TSHZ2: variants seen among roughly 807,000 people sequenced by gnomAD.
TSHZ2 encodes teashirt homolog 2.
A neutral mutation model predicts 74.4 loss-of-function variants in TSHZ2; 21 were observed. That is an observed-to-expected ratio of 0.28 (90% CI 0.20 to 0.41). The LOEUF (loss-of-function observed/expected upper bound fraction) is 0.41. Among genes scored for constraint, TSHZ2 ranks in the 10% least tolerant of loss-of-function variants. The probability of loss-of-function intolerance (pLI) is 1.00; values close to 1 mark genes in which losing one functional copy is unlikely to be tolerated. For missense variants in TSHZ2, 1,244 were observed against 1,293.5 expected, an observed-to-expected ratio of 0.96 and a Z score of 0.59; for synonymous variants, 540 against 515.3, an observed-to-expected ratio of 1.05 and a Z score of -0.65.
At chr20:53,146,845 G>A (rs1053533652) in intron 1 of TSHZ2, among the ~76,000 whole-genome samples, 7 of 152,166 alleles carry the variant, frequency 4.6e-5, no homozygotes, top group Admixed American at 2.0e-4. Context: ...CGAGGCGGGC[G>A]TGAAGGATAG....
intron 2 of TSHZ2, among the ~76,000 whole-genome samples, chr20:53,331,396 C>T (rs768751382): frequency 3.3e-5 from 5 of 152,164 alleles, no homozygotes; most frequent in African/African-American, 4.8e-5. Flanking sequence ...GTTCTTCTTC[C>T]GGGACCTGGT....
At chr20:53,450,331 C>A (rs1185987062) in intron 2 of TSHZ2, among the ~76,000 whole-genome samples, 3 of 152,136 alleles carry the variant, frequency 2.0e-5, no homozygotes, top group African/African-American at 7.2e-5. Context: ...ATGTGTAAAG[C>A]ATTTTGATTG....
chr20:53,397,588 A>G (rs573138427), intron 2 of TSHZ2: 2 of 152,340 alleles, frequency 1.3e-5, no homozygotes, highest in East Asian at 3.9e-4. Context: ...AGGATCTAGA[A>G]CTAGAAATAC....
chr20:53,149,412 G>A (rs1169686314), intron 1 of TSHZ2, among the ~76,000 whole-genome samples: 2 of 152,160 alleles, frequency 1.3e-5, no homozygotes, highest in African/African-American at 2.4e-5. Flanking sequence ...TGCACTTACT[G>A]TCAACGATAG....
Position 53,493,145 on chromosome 20 carries a change from C to T in TSHZ2, c.*6010C>T, listed in dbSNP as rs1986491659. On this transcript the variant is annotated 3_prime_UTR_variant, in exon 3 of 3. Transcript: ENST00000371497. The stretch of plus-strand genomic sequence containing the variant: ...CTAACTATATCGCCATGTATGAACA[C>T]AGATTTTGTTATATTTGCTTGTTTC... 1 of 152,158 alleles carries T rather than the reference C, an allele frequency of 6.6e-6. No individual in the cohort carries two copies. Among genetic ancestry groups the T allele is most frequent in the African/African-American group, 2.4e-5 (1 of 41,428 alleles). 9.4% of individuals were successfully genotyped at this position (152,158 alleles called of 1,614,324 possible).
chr20:53,110,547 A>G (rs949559286), intron 1 of TSHZ2, among the ~76,000 whole-genome samples: 1 of 152,010 alleles, frequency 6.6e-6, no homozygotes, highest in Non-Finnish European at 1.5e-5. Context: ...CTATAAGAAG[A>G]CTCTAGTTAC....
chr20:53,332,965 C>G (rs1979786311), intron 2 of TSHZ2, among the ~76,000 whole-genome samples: 1 of 152,174 alleles, frequency 6.6e-6, no homozygotes, highest in Non-Finnish European at 1.5e-5. Flanking sequence ...CTTCTTTCAG[C>G]TCCTGCATTA....
intron 1 of TSHZ2, among the ~76,000 whole-genome samples, chr20:53,051,270 T>C (rs1984449755): frequency 6.6e-6 from 1 of 152,056 alleles, no homozygotes; most frequent in African/African-American, 2.4e-5. Context: ...ACCCAGGAAG[T>C]GGAGGTTGCA....
At chr20:53,431,511 T>A (rs1343508723) in intron 2 of TSHZ2, among the ~76,000 whole-genome samples, 1 of 151,710 alleles carries the variant, frequency 6.6e-6, no homozygotes, top group African/African-American at 2.4e-5. Flanking sequence ...GCACACCACC[T>A]GCCACCTAGT....
In TSHZ2 at chr20:53,358,261, C is replaced by T. The variant is rs111353082; in HGVS notation, c.*8+101690C>T. On this transcript the variant is annotated intron_variant, in intron 2 of 2. Coordinates refer to ENST00000371497, the MANE Select transcript of TSHZ2 (RefSeq NM_173485.6). ...TATTGTTTTCATGCAGTTACTGAGC[C>T]TGGGTAAACTGGGACAAAATCCTAG... 6.4e-3 allele frequency among the ~76,000 whole-genome samples: 941 copies of T among 146,534 alleles called. 10 individuals carry two copies. Among genetic ancestry groups the T allele is most frequent in the African/African-American group, 0.023 (896 of 39,348 alleles).
rs111790614 is a variant in TSHZ2, at chr20:53,211,503, C to T, written c.41-41996C>T. 9.6e-3 allele frequency among the ~76,000 whole-genome samples: 1,388 copies of T among 144,992 alleles called. 27 individuals are homozygous for T. Among genetic ancestry groups the T allele is most frequent in the African/African-American group, 0.037 (1,342 of 36,450 alleles). On this transcript the variant is annotated intron_variant, in intron 1 of 2. Coordinates refer to ENST00000371497, the MANE Select transcript of TSHZ2 (RefSeq NM_173485.6). ...CCCATCAAAGTGTAATAAATTTTGC[C>T]TGAAATAAAAAAAAAAAAGTAAACA...
chr20:53,325,885 G>A (rs564786986), intron 2 of TSHZ2, among the ~76,000 whole-genome samples: 10 of 152,204 alleles, frequency 6.6e-5, no homozygotes, highest in South Asian at 2.1e-4. Context: ...AGGTTCAAGC[G>A]ATTCTCCTGC....
intron 2 of TSHZ2, among the ~76,000 whole-genome samples, chr20:53,401,774 C>CTTTTTTTTTT (rs59656180): frequency 4.2e-5 from 4 of 94,868 alleles, no homozygotes; most frequent in Non-Finnish European, 3.9e-5. Flanking sequence ...AACACATTTT[C>CTTTTTTTTTT]TTTTTTTTTT....
intron 2 of TSHZ2, among the ~76,000 whole-genome samples, chr20:53,417,593 G>A (rs534935677): frequency 1.4e-4 from 21 of 152,166 alleles, no homozygotes; most frequent in Non-Finnish European, 2.9e-4. Flanking sequence ...CACTGCACCC[G>A]GCTGTTCACC....
intron 2 of TSHZ2, among the ~76,000 whole-genome samples, chr20:53,393,278 C>T (rs1982327697): frequency 6.6e-6 from 1 of 152,176 alleles, no homozygotes; most frequent in Admixed American, 6.5e-5. Flanking sequence ...TCCCTTGTTC[C>T]TGCATTAATC....
chr20:53,118,193 G>A (rs999510914), intron 1 of TSHZ2, among the ~76,000 whole-genome samples: 2 of 152,190 alleles, frequency 1.3e-5, no homozygotes, highest in African/African-American at 4.8e-5. Flanking sequence ...TGGTTCTTAC[G>A]AAGCAGTGTA....
At chr20:53,375,801 G>T (rs569581164) in intron 2 of TSHZ2, among the ~76,000 whole-genome samples, 2 of 152,044 alleles carry the variant, frequency 1.3e-5, no homozygotes, top group East Asian at 3.8e-4. Flanking sequence ...TTGGGACCTC[G>T]GTCAAGTTAA....
intron 2 of TSHZ2, among the ~76,000 whole-genome samples, chr20:53,375,358 C>T (rs1036190655): frequency 6.6e-6 from 1 of 152,114 alleles, no homozygotes; most frequent in Non-Finnish European, 1.5e-5. Context: ...AGTCTATGTA[C>T]TTCTACAAAT....
chr20:53,351,959 GAGAC>G (rs1170827948), intron 2 of TSHZ2, among the ~76,000 whole-genome samples: 1 of 152,158 alleles, frequency 6.6e-6, no homozygotes, highest in Non-Finnish European at 1.5e-5. Context: ...AAGGAATTAA[GAGAC>G]AGAATGTACA....
Sources: allele counts gnomAD v4.1 joint callset (sites outside exome capture counted in the v4.1 genomes callset), GRCh38; gene constraint gnomAD v4.1.1; transcripts MANE v1.5; gene names NCBI Gene and HGNC (gene_info 2026-07-23, HGNC 2026-07-21).